Variants in PVT1 observed in about 807,000 individuals in gnomAD.
PVT1 encodes the protein CXCR4/PVT1 fusion.
intron 3 of PVT1, among the ~76,000 whole-genome samples, chr8:127,967,026 G>A (rs1412925057): frequency 1.3e-5 from 2 of 152,162 alleles, no homozygotes; most frequent in Non-Finnish European, 2.9e-5. Context: ...ATCCCGAGGA[G>A]GCAGCTGATG....
chr8:128,062,776 A>T (rs532624365), intron 4 of PVT1, among the ~76,000 whole-genome samples: 22 of 151,910 alleles, frequency 1.4e-4, no homozygotes, highest in Non-Finnish European at 2.9e-4. Context: ...AATTGTTGAG[A>T]AATTACTTGG....
chr8:128,093,389 C>A (rs1020607703), intron 5 of PVT1, among the ~76,000 whole-genome samples: 4 of 151,962 alleles, frequency 2.6e-5, no homozygotes, highest in Admixed American at 2.0e-4. Flanking sequence ...GAAACCCCGT[C>A]AATACTAAAA....
At chr8:127,820,788 C>T (rs1322716121) in intron 2 of PVT1, among the ~76,000 whole-genome samples, 1 of 152,106 alleles carries the variant, frequency 6.6e-6, no homozygotes, top group Non-Finnish European at 1.5e-5. Context: ...TGGCTCACTG[C>T]AACCTCTGCC....
intron 2 of PVT1, among the ~76,000 whole-genome samples, chr8:127,853,657 TGTAATCCCA>T (rs1376158108): frequency 6.6e-6 from 1 of 152,090 alleles, no homozygotes; most frequent in East Asian, 1.9e-4. Context: ...GGTGGGTGCC[TGTAATCCCA>T]GCTACTCAGG....
At chr8:127,965,046 G>A (rs1171292376) in intron 3 of PVT1, among the ~76,000 whole-genome samples, 3 of 151,966 alleles carry the variant, frequency 2.0e-5, no homozygotes, top group Non-Finnish European at 4.4e-5. Context: ...ATCTTTTTTC[G>A]GTGGGTGAAG....
chr8:128,092,012 G>A (rs1186891338), intron 5 of PVT1, among the ~76,000 whole-genome samples: 2 of 152,238 alleles, frequency 1.3e-5, no homozygotes, highest in Non-Finnish European at 2.9e-5. Flanking sequence ...GTCAACAACC[G>A]GACTGAGCTC....
chr8:128,095,006 T>G (rs1814408951), intron 5 of PVT1, among the ~76,000 whole-genome samples: 1 of 152,236 alleles, frequency 6.6e-6, no homozygotes, highest in Non-Finnish European at 1.5e-5. Context: ...TCTATTAGGT[T>G]TATCAGAGGC....
At chr8:127,918,970 G>T (rs1475425393) in intron 3 of PVT1, among the ~76,000 whole-genome samples, 1 of 152,090 alleles carries the variant, frequency 6.6e-6, no homozygotes, top group East Asian at 1.9e-4. Flanking sequence ...CGGGGTCGTG[G>T]GGGCTTTCTT....
At chr8:127,884,068 C>T (rs890413313) in intron 2 of PVT1, among the ~76,000 whole-genome samples, 4 of 152,334 alleles carry the variant, frequency 2.6e-5, no homozygotes, top group East Asian at 3.9e-4. Context: ...GATAGCTTGA[C>T]GAATGTTCTC....
intron 3 of PVT1, among the ~76,000 whole-genome samples, chr8:127,959,148 G>A (rs184229040): frequency 6.6e-6 from 1 of 152,316 alleles, no homozygotes; most frequent in Non-Finnish European, 1.5e-5. Context: ...TGCTAGCCAC[G>A]TGAGTGCATT....
chr8:128,008,723 A>G (rs1275883909), intron 4 of PVT1, among the ~76,000 whole-genome samples: 3 of 152,246 alleles, frequency 2.0e-5, no homozygotes, highest in Non-Finnish European at 4.4e-5. Context: ...AAGTGTTTTT[A>G]TCAATCCCTG....
At chr8:127,884,878 A>T (rs186093479) in intron 2 of PVT1, among the ~76,000 whole-genome samples, 6 of 152,300 alleles carry the variant, frequency 3.9e-5, no homozygotes, top group Admixed American at 3.9e-4. Context: ...CCACCACTTG[A>T]CTGCAGTAAT....
At chr8:127,919,169 G>C (rs186311335) in intron 3 of PVT1, among the ~76,000 whole-genome samples, 1 of 152,306 alleles carries the variant, frequency 6.6e-6, no homozygotes, top group East Asian at 1.9e-4. Flanking sequence ...GTTTACTTTT[G>C]TTGGCTTGTT....
chr8:128,003,025 G>A (rs539047264), intron 4 of PVT1, among the ~76,000 whole-genome samples: 90 of 104,810 alleles, frequency 8.6e-4, no homozygotes, highest in African/African-American at 3.1e-3. Context: ...TTTTGACGGA[G>A]TCCTGCTCTT....
chr8:128,013,947 CCTTTACAGAAAT>C (rs1459492705), intron 4 of PVT1, among the ~76,000 whole-genome samples: 2 of 152,168 alleles, frequency 1.3e-5, no homozygotes, highest in African/African-American at 4.8e-5. Flanking sequence ...TCACAAAAGA[CCTTTACAGAAAT>C]CTTTACAGAT....
intron 2 of PVT1, among the ~76,000 whole-genome samples, chr8:127,877,548 C>T (rs1045126708): frequency 1.3e-5 from 2 of 152,152 alleles, no homozygotes; most frequent in Non-Finnish European, 1.5e-5. Flanking sequence ...TCTGATCTCT[C>T]GTGGAGCTTC....
At chr8:128,007,429 A>G (rs1193619660) in intron 4 of PVT1, among the ~76,000 whole-genome samples, 1 of 148,646 alleles carries the variant, frequency 6.7e-6, no homozygotes, top group East Asian at 1.9e-4. Context: ...ATAAAAACTA[A>G]AAAAAAAAAA....
intron 3 of PVT1, among the ~76,000 whole-genome samples, chr8:127,920,415 G>A (rs1816042180): frequency 1.3e-5 from 2 of 152,302 alleles, no homozygotes; most frequent in South Asian, 4.1e-4. Flanking sequence ...TTTCTTAGCT[G>A]TGTTACCTTG....
chr8:128,093,174 C>T (rs927753110), intron 5 of PVT1, among the ~76,000 whole-genome samples: 4 of 152,196 alleles, frequency 2.6e-5, no homozygotes, highest in Non-Finnish European at 4.4e-5. Flanking sequence ...GCTTGGATCA[C>T]GGAAAGAGCT....
Sources: gnomAD v4.1 joint callset for allele counts (sites outside exome capture counted in the v4.1 genomes callset) on GRCh38, gnomAD v4.1.1 for gene constraint, MANE v1.5 for transcripts, NCBI Gene and HGNC (gene_info 2026-07-23, HGNC 2026-07-21) for gene names.